CADPS: variants seen among roughly 807,000 people sequenced by gnomAD.
CADPS encodes calcium-dependent secretion activator 1.
CADPS carries 57 observed loss-of-function variants against 167.3 expected under a neutral mutation model. The observed-to-expected ratio is 0.34, with a 90% CI of 0.28 to 0.42. The LOEUF (loss-of-function observed/expected upper bound fraction) is 0.42. CADPS is among the 20% of genes least tolerant of loss of function. The probability of loss-of-function intolerance (pLI) is 1.00; values close to 1 mark genes in which losing one functional copy is unlikely to be tolerated. For synonymous variants in CADPS, 676 were observed against 635.3 expected, an observed-to-expected ratio of 1.06 and a Z score of -0.96; for missense variants, 1,414 against 1,738.1, an observed-to-expected ratio of 0.81 and a Z score of 3.32.
At chr3:62,619,071 A>G (rs990356010) in intron 6 of CADPS, among the ~76,000 whole-genome samples, 7 of 152,228 alleles carry the variant, frequency 4.6e-5, no homozygotes, top group Admixed American at 1.3e-4. Flanking sequence ...ATCCATGCCC[A>G]TTTACTTACA....
chr3:62,841,988 A>G (rs958246511), intron 1 of CADPS, among the ~76,000 whole-genome samples: 11 of 152,234 alleles, frequency 7.2e-5, no homozygotes, highest in Admixed American at 1.3e-4. Flanking sequence ...ACGAATGTAG[A>G]TTTAGCCACA....
chr3:62,518,778 T>C (rs1463613568), intron 13 of CADPS, among the ~76,000 whole-genome samples: 1 of 152,094 alleles, frequency 6.6e-6, no homozygotes, highest in Non-Finnish European at 1.5e-5. Flanking sequence ...GCACAAAAAT[T>C]CCTATGAAAA....
intron 3 of CADPS, among the ~76,000 whole-genome samples, chr3:62,725,127 C>T (rs954122669): frequency 6.6e-6 from 1 of 152,118 alleles, no homozygotes; most frequent in Non-Finnish European, 1.5e-5. Context: ...CCTCAAAACC[C>T]AACCTCAACT....
chr3:62,702,654 A>G (rs1216375499), intron 3 of CADPS, among the ~76,000 whole-genome samples: 1 of 152,154 alleles, frequency 6.6e-6, no homozygotes, highest in Non-Finnish European at 1.5e-5. Context: ...ATCTCTGTCC[A>G]GTAGAACTTT....
rs532570184 is a variant in CADPS, at chr3:62,643,891, G to T, written c.1325+1831C>A. Among the ~76,000 whole-genome samples, 3 of 152,252 alleles carry T rather than the reference G, an allele frequency of 2.0e-5. No homozygotes were observed. In the East Asian group the frequency reaches 5.8e-4, roughly 29 times the overall value. ...CATGGAAAACGATCAGACCATTTGAGGAATAACTGGGATTTCATCAATGGC... is the reference window on the plus strand; with the variant it reads ...CATGGAAAACGATCAGACCATTTGATGAATAACTGGGATTTCATCAATGGC... On this transcript the variant is annotated intron_variant, in intron 6 of 29. Transcript: ENST00000383710.
chr3:62,536,695 C>T (rs566217436), intron 11 of CADPS, 114 bp from the exon 12 acceptor site: 67 of 1,009,050 alleles, frequency 6.6e-5, no homozygotes, highest in South Asian at 1.1e-4. Flanking sequence ...GCTGTTTCCC[C>T]GTTGCCTCCC....
At chr3:62,794,297 T>C (rs2093206754) in intron 1 of CADPS, among the ~76,000 whole-genome samples, 1 of 152,308 alleles carries the variant, frequency 6.6e-6, no homozygotes, top group South Asian at 2.1e-4. Flanking sequence ...AAGTAAGTAG[T>C]GATGGAAGCT....
At chr3:62,612,952 C>T (rs2149329203) in intron 6 of CADPS, among the ~76,000 whole-genome samples, 1 of 152,220 alleles carries the variant, frequency 6.6e-6, no homozygotes, top group African/African-American at 2.4e-5. Context: ...AGTGTTTGGG[C>T]AAGACAGACA....
chr3:62,539,305 T>C (rs1364990247), intron 11 of CADPS, among the ~76,000 whole-genome samples: 2 of 152,166 alleles, frequency 1.3e-5, no homozygotes, highest in Non-Finnish European at 2.9e-5. Flanking sequence ...TTAAGATCCC[T>C]TGCACACTAT....
At chr3:62,805,915 T>G (rs1275136474) in intron 1 of CADPS, among the ~76,000 whole-genome samples, 1 of 152,146 alleles carries the variant, frequency 6.6e-6, no homozygotes, top group Non-Finnish European at 1.5e-5. Flanking sequence ...TGGCCTGTCT[T>G]TTGTGCCCCA....
chr3:62,838,471 A>G (rs929942722), intron 1 of CADPS, among the ~76,000 whole-genome samples: 1 of 152,152 alleles, frequency 6.6e-6, no homozygotes, highest in African/African-American at 2.4e-5. Flanking sequence ...ATTCTTACAC[A>G]GTTTTTAGGG....
At chr3:62,589,151 T>C (rs949869542) in intron 7 of CADPS, among the ~76,000 whole-genome samples, 2 of 152,086 alleles carry the variant, frequency 1.3e-5, no homozygotes, top group African/African-American at 4.8e-5. Flanking sequence ...AATAAGTAAA[T>C]GTAACGCCAG....
intron 19 of CADPS, 40 bp downstream of exon 19, chr3:62,493,605 G>A: frequency 6.6e-7 from 1 of 1,511,976 alleles, no homozygotes; most frequent in Non-Finnish European, 9.0e-7. Context: ...GCAGAATAGG[G>A]GTCCACCTCT....
rs1381779444 is a variant in CADPS at position 62,599,676 on chromosome 3, CAAT to C, written c.1326-6931_1326-6929del. ...TATAATATAATATATATTATATATA[CAAT>C]ATTATATAATATTATAATATATATA... On this transcript the variant is annotated intron_variant, in intron 6 of 29. Coordinates refer to ENST00000383710, the MANE Select transcript of CADPS (RefSeq NM_003716.4). Among the ~76,000 whole-genome samples the C allele has an allele frequency of 9.6e-4, 36 of 37,450 alleles. 1 individual carries two copies. The East Asian group carries it at 0.027, about 28-fold the overall frequency. The allele number at this position is 37,450 out of a possible 152,430, so 24.6% of individuals were successfully genotyped here.
At chr3:62,761,944 G>A (rs540398351) in intron 2 of CADPS, among the ~76,000 whole-genome samples, 4 of 152,182 alleles carry the variant, frequency 2.6e-5, no homozygotes, top group African/African-American at 9.6e-5. Flanking sequence ...TGACAATCAG[G>A]GCCATCAGGA....
At chr3:62,860,641 G>A (rs1221732203) in intron 1 of CADPS, among the ~76,000 whole-genome samples, 1 of 152,100 alleles carries the variant, frequency 6.6e-6, no homozygotes, top group Non-Finnish European at 1.5e-5. Context: ...TTCAAAGACT[G>A]GGCTGGAGCC....
At chr3:62,859,401 G>C (rs534668485) in intron 1 of CADPS, among the ~76,000 whole-genome samples, 1 of 152,110 alleles carries the variant, frequency 6.6e-6, no homozygotes, top group African/African-American at 2.4e-5. Flanking sequence ...ATGGCCTTCC[G>C]ACTCAAATAC....
At chr3:62,464,019 G>A (rs1451234817) in intron 26 of CADPS, among the ~76,000 whole-genome samples, 7 of 152,154 alleles carry the variant, frequency 4.6e-5, no homozygotes, top group Admixed American at 4.6e-4. Context: ...GAAGTTGTGT[G>A]CATGTATGTC....
At chr3:62,542,026 A>T (rs1259411001) in intron 11 of CADPS, among the ~76,000 whole-genome samples, 1 of 152,184 alleles carries the variant, frequency 6.6e-6, no homozygotes. Flanking sequence ...TAAAAGGTCA[A>T]ATCTACCTTT....
Sources: allele counts gnomAD v4.1 joint callset (sites outside exome capture counted in the v4.1 genomes callset), GRCh38; gene constraint gnomAD v4.1.1; transcripts MANE v1.5; gene names NCBI Gene and HGNC (gene_info 2026-07-23, HGNC 2026-07-21).